Variants in ADGRB1 observed in about 807,000 individuals in gnomAD.
The protein encoded by ADGRB1 is adhesion G protein-coupled receptor B1.
ADGRB1 carries 36 observed loss-of-function variants against 175.7 expected under a neutral mutation model. That is an observed-to-expected ratio of 0.20 (90% CI 0.16 to 0.27). The LOEUF (loss-of-function observed/expected upper bound fraction) is 0.27, where lower values mean the gene tolerates loss of function less well. Ranked by LOEUF, ADGRB1 falls within the 10% of genes least tolerant of loss-of-function variation. The pLI is 1.00. For synonymous variants in ADGRB1, 1,054 were observed against 979.4 expected, an observed-to-expected ratio of 1.08 and a Z score of -1.42; for missense variants, 1,731 against 2,255.3, an observed-to-expected ratio of 0.77 and a Z score of 4.71.
chr8:142,484,893 G>T (rs1002851654), intron 13 of ADGRB1, 129 bp downstream of exon 13: 8 of 688,712 alleles, frequency 1.2e-5, no homozygotes, highest in South Asian at 1.1e-4. Context: ...CCTCCCAGCC[G>T]ATTTCTCAGA....
chr8:142,505,409 G>T (rs1247589838), intron 17 of ADGRB1, among the ~76,000 whole-genome samples: 3 of 152,196 alleles, frequency 2.0e-5, no homozygotes, highest in Non-Finnish European at 4.4e-5. Context: ...CTGGGCCCAG[G>T]TCCTTCCCCA....
chr8:142,513,471 G>A (rs562893205), intron 18 of ADGRB1, among the ~76,000 whole-genome samples: 20 of 152,366 alleles, frequency 1.3e-4, no homozygotes, highest in Non-Finnish European at 7.3e-5. Flanking sequence ...TGGGCAGGGA[G>A]AGGCCAAGAG....
At chr8:142,453,090 C>T (rs994289059) in intron 1 of ADGRB1, among the ~76,000 whole-genome samples, 7 of 148,216 alleles carry the variant, frequency 4.7e-5, no homozygotes, top group Admixed American at 1.3e-4. Flanking sequence ...GGTCCCGTGA[C>T]GCGCCTCGCG....
chr8:142,498,923 T>G (rs1296016921), intron 17 of ADGRB1, among the ~76,000 whole-genome samples: 1 of 152,168 alleles, frequency 6.6e-6, no homozygotes, highest in Admixed American at 6.5e-5. Flanking sequence ...CTGCCAGACC[T>G]CTGTGCCACT....
intron 20 of ADGRB1, among the ~76,000 whole-genome samples, chr8:142,521,605 C>CTG (rs1024202739): frequency 1.3e-5 from 2 of 152,246 alleles, no homozygotes; most frequent in Non-Finnish European, 2.9e-5. Context: ...CTGCGACTTG[C>CTG]TGTGTGTCCT....
intron 17 of ADGRB1, among the ~76,000 whole-genome samples, chr8:142,495,465 T>C (rs1409666513): frequency 6.6e-6 from 1 of 152,112 alleles, no homozygotes; most frequent in Non-Finnish European, 1.5e-5. Context: ...ACAAACCAGG[T>C]GGTTTAAAAC....
At position 142,511,308 on chromosome 8, in the gene ADGRB1, C is replaced by T. The variant is rs529179341; in HGVS notation, c.2817+235C>T. On this transcript the variant is annotated intron_variant, in intron 18 of 30. Coordinates refer to ENST00000517894, the MANE Select transcript of ADGRB1 (RefSeq NM_001702.3). This position sits in a 1 kb window ranked among gnomAD's most constrained non-coding sequence, Gnocchi z 4.5. ...GAGACGGGCCTGGGAGGAGTCGGGA[C>T]CCCCGGAAAGTGGCTGATGGGTGGG... Among the ~76,000 whole-genome samples, 18 of 151,938 alleles carry T rather than the reference C, an allele frequency of 1.2e-4. No individual in the cohort carries two copies. Among genetic ancestry groups the T allele is most frequent in the Admixed American group, 9.8e-4 (15 of 15,288 alleles).
chr8:142,523,697 C>T (rs534240348), intron 22 of ADGRB1, among the ~76,000 whole-genome samples: 18 of 146,526 alleles, frequency 1.2e-4, no homozygotes, highest in East Asian at 1.0e-3. Context: ...GTAGAGGGAA[C>T]GGTCCTTATT....
Position 142,539,375 on chromosome 8 carries a change from C to A in ADGRB1, c.3668C>A (p.Thr1223Asn). 1 of 1,590,462 alleles carries A rather than the reference C, an allele frequency of 6.3e-7. No individual in the cohort carries two copies. The highest frequency in any genetic ancestry group is 8.6e-7 in the Non-Finnish European group (1 of 1,169,394). Residue 1223 changes from threonine to asparagine, a missense_variant and splice_region_variant, in exon 27 of 31, where the codon ACC becomes AAC. By Grantham distance (65) the Thr-to-Asn change is moderately conservative. Around this residue, in one of 8 missense-constraint regions of ADGRB1, gnomAD observed 301 missense variants for 488.4 expected, o/e 0.62. Coordinates refer to ENST00000517894, the MANE Select transcript of ADGRB1 (RefSeq NM_001702.3). ...SFQNGHAQLM[T>N]DFEKDVDLAC... The stretch of plus-strand genomic sequence containing the variant: ...TGCCCTGTTGTCTCTGTCCTACAGA[C>A]CGACTTCGAGAAGGACGTGGATCTG...
chr8:142,502,420 ATGGTGGTGGTGGTGGTAGTGGTG>A (rs1842645905), intron 17 of ADGRB1, among the ~76,000 whole-genome samples: 2 of 2,130 alleles, frequency 9.4e-4, no homozygotes, highest in Non-Finnish European at 8.9e-4. Flanking sequence ...GGTGGTGGTG[ATGGTGGTGGTGGTGGTAGTGGTG>A]GTGATGATGG....
At position 142,516,122 on chromosome 8, in the gene ADGRB1, T is replaced by TG. The variant is rs1843398444; in HGVS notation, c.2818-2010dup. On this transcript the variant is annotated intron_variant, in intron 18 of 30. Coordinates refer to ENST00000517894, the MANE Select transcript of ADGRB1 (RefSeq NM_001702.3). The stretch of plus-strand genomic sequence containing the variant: ...TGGCCCTGGAGGCGAGTGCCAGGTG[T>TG]GGGGGGCGTCAGTCGTGTGTGCGGG... Among the ~76,000 whole-genome samples, 3 of 151,870 alleles carry TG rather than the reference T, an allele frequency of 2.0e-5. No individual in the cohort carries two copies. The South Asian group carries it at 6.2e-4, about 32-fold the overall frequency.
rs776301606 is a variant in ADGRB1, at chr8:142,543,702, C to T, written c.4551C>T (p.Asp1517=). ...AGGACAAGGAGGTGCTGGGGCCGGA[C>T]AGCAAGGTCTGGAGGGCAGGGAGGG... The part of the protein sequence containing the change: ...AEKDKEVLGP[D]SKPEKQQTPN... The change falls in exon 30 of 31, where the codon GAC becomes GAT. Residue 1517 remains aspartate (D), a synonymous_variant. Coordinates refer to ENST00000517894, the MANE Select transcript of ADGRB1 (RefSeq NM_001702.3). This position sits in a 1 kb window ranked among gnomAD's most constrained non-coding sequence, Gnocchi z 4.4. 46 of 1,550,232 alleles carry T rather than the reference C, an allele frequency of 3.0e-5. No homozygotes were observed. Among genetic ancestry groups the T allele is most frequent in the Admixed American group, 2.1e-4 (11 of 51,164 alleles).
At position 142,542,477 on chromosome 8, in the gene ADGRB1, C is replaced by T. The variant is rs1191605444; in HGVS notation, c.4243C>T (p.Pro1415Ser). Reference sequence around the variant, plus strand: ...ACCCCCTGCCCAGCCCCCACCGCCTCCGCCCCCACCGCCACCACCTCCCCA... The same window carrying T: ...ACCCCCTGCCCAGCCCCCACCGCCTTCGCCCCCACCGCCACCACCTCCCCA... ...EAPPAQPPPPPPPPPPPPQQP... is the reference protein window; with the variant it reads ...EAPPAQPPPPSPPPPPPPQQP... The change falls in exon 28 of 31, where the codon CCG becomes TCG. Residue 1415 changes from proline to serine, a missense_variant. Around this residue, in one of 8 missense-constraint regions of ADGRB1, gnomAD observed 394 missense variants for 410.2 expected, o/e 0.96. Coordinates refer to ENST00000517894, the MANE Select transcript of ADGRB1 (RefSeq NM_001702.3). This position sits in a 1 kb window ranked among gnomAD's most constrained non-coding sequence, Gnocchi z 6.3. 17 of 1,190,788 alleles carry T rather than the reference C, an allele frequency of 1.4e-5. No homozygotes were observed. Among genetic ancestry groups the T allele is most frequent in the Non-Finnish European group, 1.8e-5 (16 of 897,600 alleles). The allele number at this position is 1,190,788 out of a possible 1,614,324, so 73.8% of individuals were successfully genotyped here.
intron 17 of ADGRB1, among the ~76,000 whole-genome samples, chr8:142,497,102 C>T (rs1250989810): frequency 2.0e-5 from 3 of 152,238 alleles, no homozygotes; most frequent in Non-Finnish European, 2.9e-5. Context: ...TCAGCTCACA[C>T]GTCTTTATTA....
At chr8:142,460,213 G>C (rs1839903674) in intron 1 of ADGRB1, among the ~76,000 whole-genome samples, 1 of 152,222 alleles carries the variant, frequency 6.6e-6, no homozygotes, top group Non-Finnish European at 1.5e-5. Context: ...TGGGGTGCAG[G>C]AGACCTCGGC....
At chr8:142,479,069 C>T in intron 7 of ADGRB1, 1 of 414,438 alleles carries the variant, frequency 2.4e-6, no homozygotes, top group Admixed American at 4.2e-5. Context: ...GTAGGGTGCA[C>T]AGTGAGGTGT....
chr8:142,501,625 G>A (rs1490276042), intron 17 of ADGRB1, among the ~76,000 whole-genome samples: 1 of 145,612 alleles, frequency 6.9e-6, no homozygotes, highest in Non-Finnish European at 1.5e-5. Context: ...TGGTTTTGAC[G>A]ATGGAGGTGG....
At chr8:142,472,479 C>T (rs184462696) in intron 2 of ADGRB1, among the ~76,000 whole-genome samples, 1 of 152,192 alleles carries the variant, frequency 6.6e-6, no homozygotes, top group African/African-American at 2.4e-5. Context: ...CACTGTCCAC[C>T]CAGCTCAGAC....
intron 2 of ADGRB1, among the ~76,000 whole-genome samples, chr8:142,469,641 A>G (rs751642895): frequency 8.2e-6 from 1 of 122,342 alleles, no homozygotes; most frequent in Non-Finnish European, 1.7e-5. Flanking sequence ...GTGTATGTGC[A>G]CGTGCGTGTG....
Sources: allele counts gnomAD v4.1 joint callset (sites outside exome capture counted in the v4.1 genomes callset), GRCh38; gene constraint gnomAD v4.1.1; regional missense constraint gnomAD v4.1.1; non-coding constraint Gnocchi (gnomAD v3.1); transcripts MANE v1.5; gene names NCBI Gene and HGNC (gene_info 2026-07-23, HGNC 2026-07-21).